KLF12: variants seen among roughly 807,000 people sequenced by gnomAD.
KLF12 encodes the protein KLF transcription factor 12.
KLF12 carries 9 observed loss-of-function variants against 37.8 expected under a neutral mutation model. The observed-to-expected ratio is 0.24, with a 90% CI of 0.14 to 0.42. The LOEUF is 0.42. KLF12 is among the 10% of genes least tolerant of loss of function. KLF12 has a pLI of 1.00. For missense variants in KLF12, 411 were observed against 516.0 expected (o/e 0.80, Z 1.97); for synonymous variants, 208 against 202.1 (o/e 1.03, Z -0.25).
intron 1 of KLF12, among the ~76,000 whole-genome samples, chr13:74,064,001 T>C (rs561003645): frequency 2.0e-4 from 31 of 152,306 alleles, no homozygotes; most frequent in African/African-American, 1.4e-4. Context: ...TATGATTCTA[T>C]AGACATGAGC....
intron 3 of KLF12, among the ~76,000 whole-genome samples, chr13:73,861,615 C>T (rs1229727630): frequency 1.3e-5 from 2 of 152,204 alleles, no homozygotes; most frequent in South Asian, 2.1e-4. Flanking sequence ...TTAAAGAAAC[C>T]CTGGATTAAG....
At chr13:74,252,960 T>G in the KLF12 span, among the ~76,000 whole-genome samples, 1 of 151,752 alleles carries the variant, frequency 6.6e-6, no homozygotes, top group Non-Finnish European at 1.5e-5. Flanking sequence ...AATCCATCTA[T>G]TATCTATCTG....
At chr13:74,083,016 T>C (rs1875005630) in intron 1 of KLF12, among the ~76,000 whole-genome samples, 1 of 152,046 alleles carries the variant, frequency 6.6e-6, no homozygotes, top group South Asian at 2.1e-4. Flanking sequence ...AATTTAAAAA[T>C]AAGGAAGAGT....
chr13:74,246,789 G>A, the KLF12 span, among the ~76,000 whole-genome samples: 1 of 152,206 alleles, frequency 6.6e-6, no homozygotes, highest in African/African-American at 2.4e-5. Flanking sequence ...GAGGGCTGTG[G>A]CTGTGACTTG....
the KLF12 span, among the ~76,000 whole-genome samples, chr13:74,271,868 G>C: frequency 6.6e-6 from 1 of 152,124 alleles, no homozygotes; most frequent in African/African-American, 2.4e-5. Flanking sequence ...TGGGTATGGT[G>C]ACCAGACTCT....
chr13:74,025,899 C>G (rs556828253), intron 1 of KLF12, among the ~76,000 whole-genome samples: 2 of 152,252 alleles, frequency 1.3e-5, no homozygotes, highest in Non-Finnish European at 2.9e-5. Context: ...ATAACCACCT[C>G]TCTAGAGTCC....
chr13:73,707,474 C>T (rs1875039626), intron 7 of KLF12, among the ~76,000 whole-genome samples: 1 of 152,120 alleles, frequency 6.6e-6, no homozygotes, highest in African/African-American at 2.4e-5. Context: ...TATTCATGAG[C>T]TATTTGATCA....
chr13:74,168,761 A>G, the KLF12 span, among the ~76,000 whole-genome samples: 39,765 of 152,198 alleles, frequency 0.26, 7,824 homozygotes, highest in African/African-American at 0.55. Context: ...TAAATCACCT[A>G]TAAACAGTTT....
At chr13:74,176,089 T>C in the KLF12 span, among the ~76,000 whole-genome samples, 1 of 152,206 alleles carries the variant, frequency 6.6e-6, no homozygotes, top group African/African-American at 2.4e-5. Context: ...CTTCTTGAAA[T>C]TGATTTAAAC....
At chr13:74,277,333 C>A in the KLF12 span, among the ~76,000 whole-genome samples, 1 of 152,142 alleles carries the variant, frequency 6.6e-6, no homozygotes, top group Non-Finnish European at 1.5e-5. Flanking sequence ...TCATGTTTGA[C>A]CATGTTTGTG....
the KLF12 span, among the ~76,000 whole-genome samples, chr13:74,225,970 G>C: frequency 6.6e-6 from 1 of 152,126 alleles, no homozygotes; most frequent in Non-Finnish European, 1.5e-5. Flanking sequence ...GGGAAATGTG[G>C]AATTGCTGCT....
intron 7 of KLF12, among the ~76,000 whole-genome samples, chr13:73,715,058 A>C (rs181270400): frequency 4.3e-4 from 65 of 152,294 alleles, no homozygotes; most frequent in African/African-American, 1.5e-3. Flanking sequence ...AATTGTGTTC[A>C]GCTTCTTCTT....
At chr13:73,852,500 G>A (rs771131734) in intron 3 of KLF12, among the ~76,000 whole-genome samples, 1 of 152,204 alleles carries the variant, frequency 6.6e-6, no homozygotes, top group South Asian at 2.1e-4. Context: ...GATTGATTCC[G>A]GCCAGGCACG....
chr13:73,780,649 A>G (rs1880909551), intron 5 of KLF12, among the ~76,000 whole-genome samples: 1 of 152,076 alleles, frequency 6.6e-6, no homozygotes, highest in Admixed American at 6.5e-5. Context: ...TTCAGTAGAG[A>G]CAGGGTTTCT....
chr13:73,752,902 A>G (rs1324836025), intron 6 of KLF12, among the ~76,000 whole-genome samples: 1 of 151,618 alleles, frequency 6.6e-6, no homozygotes, highest in Non-Finnish European at 1.5e-5. Context: ...AAAAAATACA[A>G]AAATTAGTAC....
At chr13:73,955,579 G>A (rs1345837849) in intron 2 of KLF12, among the ~76,000 whole-genome samples, 2 of 152,196 alleles carry the variant, frequency 1.3e-5, no homozygotes, top group Admixed American at 6.5e-5. Context: ...ACCATGAAGT[G>A]TCTGATAGTG....
intron 1 of KLF12, among the ~76,000 whole-genome samples, chr13:74,044,584 C>G (rs1405975034): frequency 3.9e-5 from 6 of 152,030 alleles, no homozygotes; most frequent in Non-Finnish European, 5.9e-5. Context: ...TGGTGGCTCA[C>G]GTCTGTAATC....
chr13:73,898,514 C>T (rs1444109762), intron 3 of KLF12, among the ~76,000 whole-genome samples: 2 of 152,098 alleles, frequency 1.3e-5, no homozygotes, highest in Non-Finnish European at 2.9e-5. Flanking sequence ...TAAAAAAGCT[C>T]TCCTACTTAC....
chr13:74,013,565 T>C (rs1047590091), intron 1 of KLF12, among the ~76,000 whole-genome samples: 2 of 152,204 alleles, frequency 1.3e-5, no homozygotes, highest in African/African-American at 4.8e-5. Context: ...TATCAGCCAG[T>C]TCATGATATG....
Sources: allele counts gnomAD v4.1 joint callset (sites outside exome capture counted in the v4.1 genomes callset), GRCh38; gene constraint gnomAD v4.1.1; transcripts MANE v1.5; gene names NCBI Gene and HGNC (gene_info 2026-07-23, HGNC 2026-07-21).